Variants in SMPD4 observed in about 807,000 individuals in gnomAD.
SMPD4 encodes the protein sphingomyelin phosphodiesterase 4.
Under a neutral mutation model 97.8 loss-of-function variants are expected in SMPD4, and 58 were observed. That is an observed-to-expected ratio of 0.59 (90% CI 0.48 to 0.74). The LOEUF (loss-of-function observed/expected upper bound fraction) is 0.74, where lower values mean the gene tolerates loss of function less well. Among genes scored for constraint, SMPD4 ranks in the 30% least tolerant of loss-of-function variants. The pLI is 0.00. For synonymous variants in SMPD4, 388 were observed against 450.0 expected, an observed-to-expected ratio of 0.86 and a Z score of 1.74; for missense variants, 853 against 1,080.5, an observed-to-expected ratio of 0.79 and a Z score of 2.95.
At chr2:130,174,127 C>G (rs1688751603) in intron 3 of SMPD4, among the ~76,000 whole-genome samples, 1 of 152,162 alleles carries the variant, frequency 6.6e-6, no homozygotes, top group Non-Finnish European at 1.5e-5. Flanking sequence ...CTCGAGCAAT[C>G]CCCCCACCTC....
chr2:130,168,643 ACAC>A (rs1688155716), intron 8 of SMPD4, among the ~76,000 whole-genome samples: 1 of 151,916 alleles, frequency 6.6e-6, no homozygotes, highest in South Asian at 2.1e-4. Flanking sequence ...GCTGGGACCA[ACAC>A]CACCACGCCT....
intron 8 of SMPD4, 77 bp from the exon 9 acceptor site, chr2:130,167,667 G>C: frequency 6.7e-7 from 1 of 1,484,732 alleles, no homozygotes; most frequent in East Asian, 2.3e-5. Flanking sequence ...GGGCAATCTG[G>C]ATATCAAAAT....
At chr2:130,180,560 C>T (rs1382243780) in intron 1 of SMPD4, among the ~76,000 whole-genome samples, 1 of 152,182 alleles carries the variant, frequency 6.6e-6, no homozygotes, top group Non-Finnish European at 1.5e-5. Context: ...CGTGAGTCAC[C>T]GCTCCCGGCC....
At chr2:130,159,533 G>C (rs1687180761) in intron 11 of SMPD4, 1 of 151,754 alleles carries the variant, frequency 6.6e-6, no homozygotes, top group African/African-American at 2.4e-5. Flanking sequence ...AGCTACTCAA[G>C]AGGCTGAGGC....
chr2:130,172,004 A>AT (rs937974982), intron 8 of SMPD4, among the ~76,000 whole-genome samples: 5 of 151,820 alleles, frequency 3.3e-5, no homozygotes, highest in South Asian at 2.1e-4. Flanking sequence ...AGAGATTCCT[A>AT]TTTTTTTTGC....
In SMPD4 at chr2:130,152,706, C is replaced by T. The variant is rs779013081; in HGVS notation, c.2333G>A (p.Arg778Gln). Reference sequence around the variant, plus strand: ...GGCCAGCAGCAGCGAGACCAGCGTCCGGTAACTGCCCAGGAAGCGCAGGCT... The same window carrying T: ...GGCCAGCAGCAGCGAGACCAGCGTCTGGTAACTGCCCAGGAAGCGCAGGCT... ...RLSLRFLGSYRTLVSLLLAFF... is the reference protein window; with the variant it reads ...RLSLRFLGSYQTLVSLLLAFF... Residue 778 changes from arginine to glutamine, a missense_variant, in exon 20 of 20, where the codon CGG (arginine) becomes CAG (glutamine). Transcript: ENST00000680298. 22 of 1,577,314 alleles carry T rather than the reference C, an allele frequency of 1.4e-5. No individual in the cohort carries two copies. Among genetic ancestry groups the T allele is most frequent in the East Asian group, 7.0e-5 (3 of 42,840 alleles).
At chr2:130,153,293 G>A in intron 18 of SMPD4, 26 bp downstream of exon 18, 2 of 1,613,514 alleles carry the variant, frequency 1.2e-6, no homozygotes, top group Non-Finnish European at 1.7e-6. Context: ...CCCAGCCTGT[G>A]CGCCTCTGAG....
chr2:130,173,422 GT>G, intron 4 of SMPD4, 68 bp from the exon 5 acceptor site: 1 of 1,598,404 alleles, frequency 6.3e-7, no homozygotes, highest in African/African-American at 1.3e-5. Flanking sequence ...TGCTTTGATT[GT>G]TTCTTAATCT....
chr2:130,156,755 G>C (rs754559619), intron 12 of SMPD4, 80 bp from the exon 13 acceptor site: 7 of 1,563,512 alleles, frequency 4.5e-6, no homozygotes, highest in Non-Finnish European at 6.1e-6. Flanking sequence ...GCTCCCATCA[G>C]TGAGGGTTGG....
intron 19 of SMPD4, 61 bp from the exon 20 acceptor site, chr2:130,152,945 A>G: frequency 6.4e-7 from 1 of 1,557,808 alleles, no homozygotes; most frequent in Non-Finnish European, 8.7e-7. Context: ...TCAGGACAGC[A>G]GTACCCCACC....
chr2:130,179,527 C>T (rs1689291800), intron 1 of SMPD4, among the ~76,000 whole-genome samples: 1 of 152,100 alleles, frequency 6.6e-6, no homozygotes, highest in Non-Finnish European at 1.5e-5. Flanking sequence ...GCTGGGATTA[C>T]AGGGGCCTGC....
At position 130,157,412 on chromosome 2, in the gene SMPD4, G is replaced by C. The variant is rs774554309; in HGVS notation, c.952-16C>G. On this transcript the variant is annotated splice_polypyrimidine_tract_variant and intron_variant, in intron 11 of 19. Transcript: ENST00000680298. ...TGAACGACTCCTGGGTGGAGAAGGA[G>C]GGGTGAGGGCCTGGGAAGGAGCGTG... The C allele has an allele frequency of 5.6e-6, 9 of 1,610,704 alleles. No individual in the cohort carries two copies. The highest frequency in any genetic ancestry group is 2.7e-5 in the African/African-American group (2 of 74,846).
At chr2:130,154,708 T>G (rs1573662585) in intron 15 of SMPD4, 1 of 602,666 alleles carries the variant, frequency 1.7e-6, no homozygotes, top group Non-Finnish European at 3.0e-6. Flanking sequence ...CTGCAGGAGG[T>G]AAACAACAGG....
Position 130,167,739 on chromosome 2 carries a change from C to A in SMPD4, c.660-149G>T, listed in dbSNP as rs189927683. 1.9e-4 allele frequency: 140 copies of A among 725,164 alleles called. No individual in the cohort carries two copies. In the East Asian group the frequency reaches 3.9e-3, roughly 20 times the overall value. The allele number at this position is 725,164 out of a possible 1,614,324, so 44.9% of individuals were successfully genotyped here. A position where few individuals can be genotyped will look rare whatever the true frequency, so the allele number is the denominator to read the frequency against. ...GCACAATGCACACCTCCCCCCAGCC[C>A]CCTGATCCACACTGATATACCTGAA... On this transcript the variant is annotated intron_variant, in intron 8 of 19. Coordinates refer to ENST00000680298, the MANE Select transcript of SMPD4 (RefSeq NM_017951.5).
rs780170230 is a variant in SMPD4 at position 130,157,370 on chromosome 2, A to G, written c.978T>C (p.His326=). 3.1e-6 allele frequency: 5 copies of G among 1,607,678 alleles called. No individual in the cohort carries two copies. Among genetic ancestry groups the G allele is most frequent in the Non-Finnish European group, 2.5e-6 (3 of 1,178,094 alleles). ...YQESFTPTEE[H]VLVVRLLLKH... is the part of the protein sequence containing the mutation. ...TCAGCAGCAGGCGCACCACCAACAC[A>G]TGCTCCTCAGTAGGCGTGAACGACT... The change falls in exon 12 of 20, where the codon CAT becomes CAC. Residue 326 remains histidine (H), a synonymous_variant. Coordinates refer to ENST00000680298, the MANE Select transcript of SMPD4 (RefSeq NM_017951.5).
intron 1 of SMPD4, chr2:130,181,322 C>T: frequency 5.6e-6 from 8 of 1,426,166 alleles, no homozygotes; most frequent in South Asian, 4.5e-5. Context: ...GTACGAGCCG[C>T]GCGGGAAGGT....
At chr2:130,156,744 G>A (rs757581746) in intron 12 of SMPD4, 69 bp from the exon 13 acceptor site, 2 of 1,570,452 alleles carry the variant, frequency 1.3e-6, no homozygotes, top group South Asian at 1.2e-5. Context: ...ATGACCCCAG[G>A]GCTCCCATCA....
At chr2:130,166,803 C>T (rs1687971254) in intron 9 of SMPD4, among the ~76,000 whole-genome samples, 1 of 152,226 alleles carries the variant, frequency 6.6e-6, no homozygotes, top group African/African-American at 2.4e-5. Context: ...AATCTGTCAC[C>T]TACTACTTGG....
chr2:130,161,901 T>G (rs1021173976), intron 10 of SMPD4, among the ~76,000 whole-genome samples: 16 of 152,206 alleles, frequency 1.1e-4, no homozygotes, highest in African/African-American at 3.4e-4. Context: ...AAGACATGAT[T>G]GATTCCTATG....
Sources: gnomAD v4.1 joint callset for allele counts (sites outside exome capture counted in the v4.1 genomes callset) on GRCh38, gnomAD v4.1.1 for gene constraint, MANE v1.5 for transcripts, NCBI Gene and HGNC (gene_info 2026-07-23, HGNC 2026-07-21) for gene names.